LRRC4C: variants seen among roughly 807,000 people sequenced by gnomAD.
LRRC4C encodes leucine-rich repeat-containing protein 4C.
A neutral mutation model predicts 33.6 loss-of-function variants in LRRC4C; 5 were observed. That is an observed-to-expected ratio of 0.15 (90% CI 0.08 to 0.31). The LOEUF is 0.31. Among genes scored for constraint, LRRC4C ranks in the 10% least tolerant of loss-of-function variants. LRRC4C has a pLI of 1.00. For synonymous variants in LRRC4C, 329 were observed against 302.0 expected, an observed-to-expected ratio of 1.09 and a Z score of -0.93; for missense variants, 560 against 796.7, an observed-to-expected ratio of 0.70 and a Z score of 3.58.
At chr11:40,615,191 AGTTCT>A (rs138838413) in intron 3 of LRRC4C, among the ~76,000 whole-genome samples, 337 of 147,994 alleles carry the variant, frequency 2.3e-3, no homozygotes, top group Non-Finnish European at 3.9e-3. Flanking sequence ...TAGACCCTAT[AGTTCT>A]GTTAATACTG....
intron 3 of LRRC4C, among the ~76,000 whole-genome samples, chr11:40,496,630 C>A (rs1340722150): frequency 6.6e-6 from 1 of 152,046 alleles, no homozygotes; most frequent in Non-Finnish European, 1.5e-5. Flanking sequence ...GGTTGTCAAT[C>A]ATTTTTCTGC....
intron 1 of LRRC4C, among the ~76,000 whole-genome samples, chr11:41,304,160 C>T (rs1407138397): frequency 6.3e-5 from 6 of 95,464 alleles, no homozygotes; most frequent in South Asian, 7.6e-4. Flanking sequence ...CCGCCCCGTC[C>T]GGGAGGGAGG....
chr11:41,414,026 C>T (rs181624274), intron 1 of LRRC4C, among the ~76,000 whole-genome samples: 6 of 152,290 alleles, frequency 3.9e-5, no homozygotes, highest in African/African-American at 1.2e-4. Flanking sequence ...TCTGTTCTAA[C>T]TTTCACTTCC....
At chr11:41,020,954 A>G (rs935653853) in intron 1 of LRRC4C, among the ~76,000 whole-genome samples, 6 of 152,128 alleles carry the variant, frequency 3.9e-5, no homozygotes, top group African/African-American at 1.2e-4. Flanking sequence ...CTGAAATGTC[A>G]TTTTATCAGA....
chr11:40,421,287 G>A (rs991104431), intron 3 of LRRC4C, among the ~76,000 whole-genome samples: 1 of 152,200 alleles, frequency 6.6e-6, no homozygotes, highest in Non-Finnish European at 1.5e-5. Flanking sequence ...ACAAGTATTA[G>A]ACAATTTGGG....
chr11:41,134,466 C>A (rs1278680681), intron 1 of LRRC4C, among the ~76,000 whole-genome samples: 1 of 152,024 alleles, frequency 6.6e-6, no homozygotes, highest in Non-Finnish European at 1.5e-5. Context: ...AGTAGTCATC[C>A]TAGGAATCTC....
chr11:40,164,836 G>C (rs1859452591), intron 5 of LRRC4C, among the ~76,000 whole-genome samples: 1 of 152,128 alleles, frequency 6.6e-6, no homozygotes, highest in African/African-American at 2.4e-5. Context: ...CACCATGTAT[G>C]CATGTATCAA....
intron 1 of LRRC4C, among the ~76,000 whole-genome samples, chr11:40,957,347 C>T (rs1192577153): frequency 6.6e-6 from 1 of 151,706 alleles, no homozygotes; most frequent in Non-Finnish European, 1.5e-5. Context: ...TTTAGGTACA[C>T]TGAAGAGAGG....
chr11:41,198,409 T>C (rs1256147883), intron 1 of LRRC4C, among the ~76,000 whole-genome samples: 1 of 152,050 alleles, frequency 6.6e-6, no homozygotes, highest in Non-Finnish European at 1.5e-5. Context: ...AGTAAGAAAG[T>C]ATTTAAGTAT....
rs564921944 is a variant in LRRC4C at position 40,590,251 on chromosome 11, T to G, written c.-270+57891A>C. Among the ~76,000 whole-genome samples, 135 of 151,984 alleles carry G rather than the reference T, an allele frequency of 8.9e-4. 5 individuals are homozygous for G. In the South Asian group the frequency reaches 0.027, roughly 30 times the overall value. On this transcript the variant is annotated intron_variant, in intron 3 of 6. Transcript: ENST00000528697. Reference sequence around the variant, plus strand: ...TTTCATCTTCCATTGCTGATACCCTTTCTTCCAGTTGATCGCATCGTCTCC... The same window carrying G: ...TTTCATCTTCCATTGCTGATACCCTGTCTTCCAGTTGATCGCATCGTCTCC...
intron 2 of LRRC4C, among the ~76,000 whole-genome samples, chr11:40,752,929 C>T (rs1302446150): frequency 6.6e-6 from 1 of 151,932 alleles, no homozygotes; most frequent in Non-Finnish European, 1.5e-5. Flanking sequence ...CAGTGGAATA[C>T]TATTTAGCCA....
At chr11:41,413,937 T>C (rs1954584875) in intron 1 of LRRC4C, among the ~76,000 whole-genome samples, 2 of 152,144 alleles carry the variant, frequency 1.3e-5, no homozygotes, top group Admixed American at 6.5e-5. Context: ...TGGAGCCTCC[T>C]AGCAATGCTT....
At chr11:40,924,881 C>T (rs1167786244) in intron 2 of LRRC4C, among the ~76,000 whole-genome samples, 2 of 152,104 alleles carry the variant, frequency 1.3e-5, no homozygotes, top group African/African-American at 2.4e-5. Flanking sequence ...AGCAAAATTG[C>T]AGTTAATCAA....
At chr11:41,187,143 G>T (rs750784700) in intron 1 of LRRC4C, among the ~76,000 whole-genome samples, 13 of 152,182 alleles carry the variant, frequency 8.5e-5, no homozygotes, top group South Asian at 4.1e-4. Context: ...GGAGGGCATG[G>T]TCCCTGGATA....
rs536016978 is a variant in LRRC4C at position 40,766,275 on chromosome 11, A to T, written c.-406-117997T>A. 6.0e-5 allele frequency among the ~76,000 whole-genome samples: 9 copies of T among 150,392 alleles called. No individual in the cohort carries two copies. In the South Asian group the frequency reaches 1.9e-3, roughly 32 times the overall value. ...ATGAGAGGGAAATGAAGACTTTCCC[A>T]GACAAATAAAACTTTAGGGATTTCA... On this transcript the variant is annotated intron_variant, in intron 2 of 6. Transcript: ENST00000528697.
chr11:41,381,085 T>C (rs1328087265), intron 1 of LRRC4C, among the ~76,000 whole-genome samples: 1 of 152,022 alleles, frequency 6.6e-6, no homozygotes, highest in Non-Finnish European at 1.5e-5. Flanking sequence ...GGCAAAAACA[T>C]CCCTGGGCAT....
rs572772728 is a variant in LRRC4C at position 40,592,605 on chromosome 11, A to C, written c.-270+55537T>G. On this transcript the variant is annotated intron_variant, in intron 3 of 6. Transcript: ENST00000528697. ...CCCTGCCTTTTTTTGCAGATGTAGA[A>C]TCTACAGGTGAGGGTTCAGTGACTG... is the stretch of plus-strand genomic sequence containing the variant. 5.9e-5 allele frequency among the ~76,000 whole-genome samples: 9 copies of C among 152,268 alleles called. No homozygotes were observed. In the Middle Eastern group the frequency reaches 0.014, roughly 230 times the overall value.
intron 1 of LRRC4C, among the ~76,000 whole-genome samples, chr11:41,001,790 C>T (rs1854401312): frequency 6.6e-6 from 1 of 151,996 alleles, no homozygotes; most frequent in Admixed American, 6.6e-5. Flanking sequence ...TAGGCAATGC[C>T]CTATTTGAAT....
intron 1 of LRRC4C, among the ~76,000 whole-genome samples, chr11:41,029,346 T>C (rs1199881956): frequency 1.3e-5 from 2 of 151,782 alleles, no homozygotes; most frequent in African/African-American, 4.8e-5. Context: ...TCTAGTTTTA[T>C]GTCCTTTAAA....
Sources: gnomAD v4.1 joint callset for allele counts (sites outside exome capture counted in the v4.1 genomes callset) on GRCh38, gnomAD v4.1.1 for gene constraint, MANE v1.5 for transcripts, NCBI Gene and HGNC (gene_info 2026-07-23, HGNC 2026-07-21) for gene names.